GAB1: variants seen among roughly 807,000 people sequenced by gnomAD.
GAB1 encodes GRB2 associated binding protein 1, also known as GRB2-associated-binding protein 1.
In GAB1, 19 loss-of-function variants were observed where a neutral mutation model predicts 66.5. The ratio of observed to expected loss-of-function variants is 0.29; its 90% CI spans 0.20 to 0.42. GAB1 has a LOEUF of 0.42. Among genes scored for constraint, GAB1 ranks in the 10% least tolerant of loss-of-function variants. The pLI, the probability that GAB1 is intolerant of heterozygous loss-of-function variation, is 1.00. For synonymous variants in GAB1, 294 were observed against 301.4 expected, an observed-to-expected ratio of 0.98 and a Z score of 0.25; for missense variants, 732 against 858.5, an observed-to-expected ratio of 0.85 and a Z score of 1.84.
intron 1 of GAB1, among the ~76,000 whole-genome samples, chr4:143,410,510 T>G (rs1450431733): frequency 1.3e-5 from 2 of 152,218 alleles, no homozygotes; most frequent in African/African-American, 2.4e-5. Flanking sequence ...CTTGCCAGTA[T>G]GTACATACCC....
At chr4:143,425,190 A>C (rs1020313907) in intron 2 of GAB1, 413 of 843,852 alleles carry the variant, frequency 4.9e-4, no homozygotes, top group Non-Finnish European at 8.0e-4. Context: ...TGGCATCTAC[A>C]TTATAAATCT....
chr4:143,366,793 T>TTTCAATTTGAAAAAATTGATTTTCAA (rs1729897962), intron 1 of GAB1, among the ~76,000 whole-genome samples: 1 of 152,112 alleles, frequency 6.6e-6, no homozygotes, highest in South Asian at 2.1e-4. Flanking sequence ...ATTTGAAAAT[T>TTTCAATTTGAAAAAATTGATTTTCAA]TTCAATTTGA....
At chr4:143,445,008 T>C (rs1260333321) in intron 6 of GAB1, among the ~76,000 whole-genome samples, 2 of 152,220 alleles carry the variant, frequency 1.3e-5, no homozygotes, top group Non-Finnish European at 2.9e-5. Context: ...GGCACCTAGG[T>C]TGATTCCATG....
chr4:143,469,226 G>C lies in GAB1; in HGVS notation c.*37G>C. The C allele has an allele frequency of 6.2e-7, 1 of 1,600,592 alleles. No homozygotes were observed. The highest frequency in any genetic ancestry group is 8.5e-7 in the Non-Finnish European group (1 of 1,170,278). Reference sequence around the variant, plus strand: ...TGCCATTTCTGAACAAAAGAAAACTGAATTGTAAAGATAAATCCCTTTTGA... The same window carrying C: ...TGCCATTTCTGAACAAAAGAAAACTCAATTGTAAAGATAAATCCCTTTTGA... On this transcript the variant is annotated 3_prime_UTR_variant, in exon 10 of 10. Transcript: ENST00000262994.
At chr4:143,366,459 G>A (rs62337518) in intron 1 of GAB1, among the ~76,000 whole-genome samples, 6,462 of 152,204 alleles carry the variant, frequency 0.042, 143 homozygotes, top group African/African-American at 0.052. Flanking sequence ...GAATGACAGA[G>A]ACTTGACTTT....
intron 1 of GAB1, among the ~76,000 whole-genome samples, chr4:143,388,270 A>G (rs1455706247): frequency 6.6e-6 from 1 of 151,950 alleles, no homozygotes; most frequent in Non-Finnish European, 1.5e-5. Context: ...CTGACTGATC[A>G]GTTTCATCTA....
At chr4:143,461,435 T>A (rs1042387775) in intron 8 of GAB1, among the ~76,000 whole-genome samples, 4 of 152,166 alleles carry the variant, frequency 2.6e-5, no homozygotes, top group African/African-American at 7.2e-5. Context: ...GTGGCACATA[T>A]GCTCATTGGA....
At chr4:143,450,019 A>G (rs1433101283) in intron 6 of GAB1, among the ~76,000 whole-genome samples, 1 of 152,180 alleles carries the variant, frequency 6.6e-6, no homozygotes. Context: ...ATACCAGTAC[A>G]TGAAACTAGA....
intron 6 of GAB1, 78 bp downstream of exon 6, chr4:143,440,460 TAGAA>T: frequency 7.4e-7 from 1 of 1,344,422 alleles, no homozygotes; most frequent in Non-Finnish European, 1.0e-6. Context: ...AAATCCAAAA[TAGAA>T]TTTGGACTAG....
intron 8 of GAB1, among the ~76,000 whole-genome samples, chr4:143,462,503 TA>T (rs919304868): frequency 5.9e-5 from 9 of 152,028 alleles, no homozygotes; most frequent in African/African-American, 2.2e-4. Context: ...TCATGGGTGT[TA>T]GATGAAGGGA....
intron 1 of GAB1, chr4:143,350,181 T>C: frequency 1.5e-6 from 1 of 660,536 alleles, no homozygotes; most frequent in Non-Finnish European, 2.6e-6. Context: ...TTTTGTGTGC[T>C]CCTAAATGTA....
chr4:143,409,394 C>A (rs192949796), intron 1 of GAB1, among the ~76,000 whole-genome samples: 5 of 149,824 alleles, frequency 3.3e-5, no homozygotes, highest in East Asian at 3.9e-4. Context: ...TTTCCCCCCC[C>A]CCGCTCTGAA....
chr4:143,394,935 C>G (rs942460493), intron 1 of GAB1: 2 of 152,084 alleles, frequency 1.3e-5, no homozygotes, highest in African/African-American at 4.8e-5. Flanking sequence ...TAAAGCTGCA[C>G]ATTGATTACC....
Position 143,415,671 on chromosome 4 carries a change from T to C in GAB1, c.267T>C (p.Thr89=). Residue 89 remains threonine, a synonymous_variant, in exon 2 of 10, where the codon ACT becomes ACC. Transcript: ENST00000262994. The stretch of plus-strand genomic sequence containing the variant: ...ACAGCTACATTTTTGATATCAACAC[T>C]ATTGACCGGATTTTCTACTTGGTAG... ...FENSYIFDIN[T]IDRIFYLVAD... 6.2e-7 allele frequency: 1 copy of C among 1,613,984 alleles called. No individual in the cohort carries two copies. Among genetic ancestry groups the C allele is most frequent in the African/African-American group, 1.3e-5 (1 of 75,064 alleles).
At chr4:143,367,617 A>G (rs1729938831) in intron 1 of GAB1, among the ~76,000 whole-genome samples, 1 of 150,980 alleles carries the variant, frequency 6.6e-6, no homozygotes, top group Admixed American at 6.6e-5. Flanking sequence ...TCTGTAATAA[A>G]TTCTCCTGTA....
intron 1 of GAB1, among the ~76,000 whole-genome samples, chr4:143,343,700 AG>A (rs1323621957): frequency 1.3e-5 from 2 of 152,204 alleles, no homozygotes; most frequent in African/African-American, 2.4e-5. Context: ...ACGAGATGCC[AG>A]GGAAGACTCC....
intron 1 of GAB1, among the ~76,000 whole-genome samples, chr4:143,354,526 GGGTTA>G (rs1729363934): frequency 6.6e-6 from 1 of 151,886 alleles, no homozygotes; most frequent in Non-Finnish European, 1.5e-5. Context: ...GAGAAAAAAA[GGGTTA>G]CAAAATATTA....
At chr4:143,343,703 G>A (rs1219505341) in intron 1 of GAB1, among the ~76,000 whole-genome samples, 1 of 152,180 alleles carries the variant, frequency 6.6e-6, no homozygotes, top group Non-Finnish European at 1.5e-5. Context: ...AGATGCCAGG[G>A]AAGACTCCGC....
chr4:143,436,392 A>G (rs1733943867), intron 3 of GAB1, among the ~76,000 whole-genome samples: 1 of 152,160 alleles, frequency 6.6e-6, no homozygotes, highest in African/African-American at 2.4e-5. Context: ...AGGGGCCCTT[A>G]CTAGGTTTTT....
Sources: allele counts gnomAD v4.1 joint callset (sites outside exome capture counted in the v4.1 genomes callset), GRCh38; gene constraint gnomAD v4.1.1; transcripts MANE v1.5; gene names NCBI Gene and HGNC (gene_info 2026-07-23, HGNC 2026-07-21).